The following NOS1 variants were observed in gnomAD, a reference collection of about 807,000 sequenced individuals.
NOS1 encodes the protein NOS type I.
A neutral mutation model predicts 164.5 loss-of-function variants in NOS1; 51 were observed. The ratio of observed to expected loss-of-function variants is 0.31; its 90% CI spans 0.25 to 0.39. The LOEUF (loss-of-function observed/expected upper bound fraction) is 0.39, where lower values mean the gene tolerates loss of function less well. Among genes scored for constraint, NOS1 ranks in the 10% least tolerant of loss-of-function variants. NOS1 has a pLI of 1.00. For missense variants in NOS1, 1,362 were observed against 1,885.6 expected, an observed-to-expected ratio of 0.72 and a Z score of 5.14; for synonymous variants, 719 against 745.8, an observed-to-expected ratio of 0.96 and a Z score of 0.59.
In NOS1 at chr12:117,272,511, G is replaced by T. The variant is rs200268741; in HGVS notation, c.1713C>A (p.Ala571=). 1 of 1,614,064 alleles carries T rather than the reference G, an allele frequency of 6.2e-7. No individual in the cohort carries two copies. The highest frequency in any genetic ancestry group is 1.3e-5 in the African/African-American group (1 of 74,930). Residue 571 remains alanine, a synonymous_variant, in exon 10 of 29, where the codon GCC becomes GCA. Transcript: ENST00000317775. The surrounding 1 kb of genome is among the most constrained non-coding windows in gnomAD (Gnocchi z 4.3). ...DLGLKWYGLP[A]VSNMLLEIGG... is the part of the protein sequence containing the mutation. ...CAATCTCTAGGAGCATGTTGGACACGGCGGGGAGGCCGTACCACTTCAGCC... is the reference window on the plus strand; with the variant it reads ...CAATCTCTAGGAGCATGTTGGACACTGCGGGGAGGCCGTACCACTTCAGCC...
rs1956561879 is a variant in NOS1 at position 117,213,692 on chromosome 12, G to T, written c.*1617C>A. 1.0e-6 allele frequency: 1 copy of T among 985,306 alleles called. No individual in the cohort carries two copies. Among genetic ancestry groups the T allele is most frequent in the Non-Finnish European group, 1.2e-6 (1 of 829,952 alleles). 61.0% of individuals were successfully genotyped at this position (985,306 alleles called of 1,614,324 possible). ...CCCACGTACAGTATATAAAAGAAAT[G>T]TGGTTTTTCTGTATAGCAAGACACA... On this transcript the variant is annotated 3_prime_UTR_variant, in exon 29 of 29. Transcript: ENST00000317775.
chr12:117,278,044 G>A lies in NOS1; in HGVS notation c.1579C>T (p.Leu527Phe). Reference sequence around the variant, plus strand: ...TCATTGCCGTTGGCCTGAAGCAGGAGCGGCAGGACATCGAAGCGGCCTCTA... The same window carrying A: ...TCATTGCCGTTGGCCTGAAGCAGGAACGGCAGGACATCGAAGCGGCCTCTA... ...PPRGRFDVLP[L>F]LLQANGNDPE... The change falls in exon 9 of 29, where the codon CTC becomes TTC. Residue 527 changes from leucine (L) to phenylalanine (F), a missense_variant. Physicochemically the swap from Leu to Phe is conservative, Grantham distance 22. Around this residue, in one of 4 missense-constraint regions of NOS1, gnomAD observed 134 missense variants for 267.3 expected, o/e 0.50. Coordinates refer to ENST00000317775, the MANE Select transcript of NOS1 (RefSeq NM_000620.5). 1 of 1,614,106 alleles carries A rather than the reference G, an allele frequency of 6.2e-7. No homozygotes were observed. Among genetic ancestry groups the A allele is most frequent in the Non-Finnish European group, 8.5e-7 (1 of 1,179,984 alleles).
chr12:117,221,392 AC>A (rs1226930593), intron 26 of NOS1, among the ~76,000 whole-genome samples: 1 of 150,674 alleles, frequency 6.6e-6, no homozygotes, highest in Non-Finnish European at 1.5e-5. Flanking sequence ...CAAGTGATCC[AC>A]CCACCTCGGC....
At chr12:117,224,885 C>CA in intron 25 of NOS1, 131 bp downstream of exon 25, 1 of 1,190,214 alleles carries the variant, frequency 8.4e-7, no homozygotes, top group Admixed American at 1.8e-5. Context: ...GCTGGTGCTA[C>CA]ACGCCCCAGC....
intron 3 of NOS1, among the ~76,000 whole-genome samples, chr12:117,293,690 T>C (rs1873212993): frequency 6.6e-6 from 1 of 151,446 alleles, no homozygotes; most frequent in Admixed American, 6.6e-5. Context: ...ACTTGTATTA[T>C]TACTTGTATT....
intron 1 of NOS1, among the ~76,000 whole-genome samples, chr12:117,342,953 G>A (rs1430305472): frequency 1.3e-5 from 2 of 152,110 alleles, no homozygotes; most frequent in African/African-American, 4.8e-5. Context: ...CGGAGAAGGA[G>A]GTGTCTGCAG....
At chr12:117,347,809 T>C (rs1487444677) in intron 1 of NOS1, among the ~76,000 whole-genome samples, 1 of 152,168 alleles carries the variant, frequency 6.6e-6, no homozygotes, top group Non-Finnish European at 1.5e-5. Context: ...GACGCAGCAC[T>C]TTGCACGATC....
In NOS1 at chr12:117,272,279, C is replaced by T. The variant is rs1047617894; in HGVS notation, c.1839+106G>A. 1 of 1,201,656 alleles carries T rather than the reference C, an allele frequency of 8.3e-7. No homozygotes were observed. Among genetic ancestry groups the T allele is most frequent in the Non-Finnish European group, 1.2e-6 (1 of 817,242 alleles). 74.4% of individuals were successfully genotyped at this position (1,201,656 alleles called of 1,614,324 possible). A position where few individuals can be genotyped will look rare whatever the true frequency, so the allele number is the denominator to read the frequency against. ...TCTGGGATTGCAATTCTATTCTAAC[C>T]CCTTCAAGTTTCCAAGCCACCAAGC... is the stretch of plus-strand genomic sequence containing the variant. On this transcript the variant is annotated intron_variant, in intron 10 of 28. Transcript: ENST00000317775. This position sits in a 1 kb window ranked among gnomAD's most constrained non-coding sequence, Gnocchi z 4.3.
rs961568379 is a variant in NOS1, at chr12:117,212,544, C to T, written c.*2765G>A. 3.3e-5 allele frequency: 33 copies of T among 985,294 alleles called. No individual in the cohort carries two copies. The highest frequency in any genetic ancestry group is 3.9e-5 in the Non-Finnish European group (32 of 829,948). 61.0% of individuals were successfully genotyped at this position (985,294 alleles called of 1,614,324 possible). A position where few individuals can be genotyped will look rare whatever the true frequency, so the allele number is the denominator to read the frequency against. On this transcript the variant is annotated 3_prime_UTR_variant, in exon 29 of 29. Transcript: ENST00000317775. ...GTGATGGCAGGTGAGCATGATGTTC[C>T]GGTGTTCCTATTTCAGGAGACGTCT...
rs371018364 is a variant in NOS1, at chr12:117,226,666, C to T, written c.3704+17G>A. 6.8e-6 allele frequency: 11 copies of T among 1,610,564 alleles called. No individual in the cohort carries two copies. The highest frequency in any genetic ancestry group is 1.6e-4 in the Middle Eastern group (1 of 6,076). Reference sequence around the variant, plus strand: ...AGATTTGAGATGATTGCTCATTTTTCTCCACTTATTACTCACCCTCTCACG... The same window carrying T: ...AGATTTGAGATGATTGCTCATTTTTTTCCACTTATTACTCACCCTCTCACG... On this transcript the variant is annotated intron_variant, in intron 24 of 28. Coordinates refer to ENST00000317775, the MANE Select transcript of NOS1 (RefSeq NM_000620.5).
At chr12:117,354,493 G>T (rs2136097116) in intron 1 of NOS1, among the ~76,000 whole-genome samples, 1 of 152,300 alleles carries the variant, frequency 6.6e-6, no homozygotes, top group South Asian at 2.1e-4. Context: ...TTTTCTTACT[G>T]AGTATTCCAG....
intron 1 of NOS1, among the ~76,000 whole-genome samples, chr12:117,344,106 A>G (rs1283364326): frequency 6.6e-6 from 1 of 152,230 alleles, no homozygotes; most frequent in Non-Finnish European, 1.5e-5. Context: ...CAGTTGCCCT[A>G]CCTTAGTATG....
intron 3 of NOS1, among the ~76,000 whole-genome samples, chr12:117,305,575 T>G (rs889231243): frequency 4.6e-5 from 7 of 152,078 alleles, no homozygotes; most frequent in African/African-American, 1.4e-4. Context: ...ACATTGTGTT[T>G]TCTATTAATT....
In NOS1 at chr12:117,234,694, C is replaced by T; in HGVS notation, c.3106G>A (p.Asp1036Asn). The T allele has an allele frequency of 6.2e-7, 1 of 1,614,156 alleles. No homozygotes were observed. The highest frequency in any genetic ancestry group is 1.1e-5 in the South Asian group (1 of 91,072). The change falls in exon 21 of 29, where the codon GAC (aspartate) becomes AAC (asparagine). Residue 1036 changes from aspartate to asparagine, a missense_variant. Asp to Asn is a conservative substitution (Grantham distance 23, BLOSUM62 1). This residue lies in a region of NOS1 where 737 missense variants were observed against 1,030.3 expected (regional missense o/e 0.72). Transcript: ENST00000317775. The surrounding 1 kb of genome is among the most constrained non-coding windows in gnomAD (Gnocchi z 4.3). ...GSQELQYQPG[D>N]HLGVFPGNHE... ...TTGCCAGGGAAGACACCCAGGTGGT[C>T]CCCAGGCTGGTACTGCAGCTCCTGG... is the stretch of plus-strand genomic sequence containing the variant.
intron 1 of NOS1, among the ~76,000 whole-genome samples, chr12:117,339,426 C>CA (rs1459433835): frequency 6.6e-6 from 1 of 152,238 alleles, no homozygotes; most frequent in Non-Finnish European, 1.5e-5. Flanking sequence ...CACTCTCTTA[C>CA]ATTGCTGCCA....
At chr12:117,284,689 T>C (rs374158682) in intron 7 of NOS1, among the ~76,000 whole-genome samples, 47 of 152,282 alleles carry the variant, frequency 3.1e-4, no homozygotes, top group Middle Eastern at 3.4e-3. Context: ...TTTGCTGCTG[T>C]AGTTTTGCAA....
Position 117,218,051 on chromosome 12 carries a change from G to T in NOS1, c.4284C>A (p.Thr1428=). 2 of 1,610,578 alleles carry T rather than the reference G, an allele frequency of 1.2e-6. No individual in the cohort carries two copies. Among genetic ancestry groups the T allele is most frequent in the Non-Finnish European group, 1.7e-6 (2 of 1,176,806 alleles). ...CAGGGATGGAGCCAGCTTACTCATC[G>T]GTGTCTTTTTTGCTCTCTTCAATGA... ...IAFIEESKKD[T]DEVFSS Residue 1428 remains threonine, a synonymous_variant, in exon 28 of 29, where the codon ACC becomes ACA. Coordinates refer to ENST00000317775, the MANE Select transcript of NOS1 (RefSeq NM_000620.5).
rs74703803 is a variant in NOS1, at chr12:117,228,379, C to T, written c.3406-738G>A. ...TACACACTCCTGAAGTCAAGAGAGA[C>T]GCACTATGGAAGGGAGTCATGACTC... is the stretch of plus-strand genomic sequence containing the variant. On this transcript the variant is annotated intron_variant, in intron 22 of 28. Transcript: ENST00000317775. Among the ~76,000 whole-genome samples, 34 of 152,234 alleles carry T rather than the reference C, an allele frequency of 2.2e-4. No homozygotes were observed. In the East Asian group the frequency reaches 3.3e-3, roughly 15 times the overall value.
Position 117,211,544 on chromosome 12 carries a change from C to A in NOS1, c.*3765G>T. 1 of 985,380 alleles carries A rather than the reference C, an allele frequency of 1.0e-6. No individual in the cohort carries two copies. Among genetic ancestry groups the A allele is most frequent in the South Asian group, 4.7e-5 (1 of 21,276 alleles). The allele number at this position is 985,380 out of a possible 1,614,324, so 61.0% of individuals were successfully genotyped here. A position where few individuals can be genotyped will look rare whatever the true frequency, so the allele number is the denominator to read the frequency against. Reference sequence around the variant, plus strand: ...AATAAAGCCTAAATTTCTTGTAATGCCACTCACCTCTCCCCACGGTCTGGT... The same window carrying A: ...AATAAAGCCTAAATTTCTTGTAATGACACTCACCTCTCCCCACGGTCTGGT... On this transcript the variant is annotated 3_prime_UTR_variant, in exon 29 of 29. Transcript: ENST00000317775.
Sources: allele counts gnomAD v4.1 joint callset (sites outside exome capture counted in the v4.1 genomes callset), GRCh38; gene constraint gnomAD v4.1.1; regional missense constraint gnomAD v4.1.1; non-coding constraint Gnocchi (gnomAD v3.1); transcripts MANE v1.5; gene names NCBI Gene and HGNC (gene_info 2026-07-23, HGNC 2026-07-21).